Variants in GPR83 observed in about 807,000 individuals in gnomAD.
The protein encoded by GPR83 is G-protein coupled receptor 72.
A neutral mutation model predicts 28.0 loss-of-function variants in GPR83; 23 were observed. The ratio of observed to expected loss-of-function variants is 0.82; its 90% confidence interval spans 0.59 to 1.16. The LOEUF is 1.16. GPR83 is among the 50% of genes most tolerant of loss of function. The pLI is 0.00. For synonymous variants in GPR83, 234 were observed against 215.4 expected, an observed-to-expected ratio of 1.09 and a Z score of -0.76; for missense variants, 610 against 536.6, an observed-to-expected ratio of 1.14 and a Z score of -1.35.
At chr11:94,392,928 A>T (rs970488223) in intron 3 of GPR83, among the ~76,000 whole-genome samples, 1 of 152,202 alleles carries the variant, frequency 6.6e-6, no homozygotes, top group Admixed American at 6.5e-5. Context: ...CACCGAGATA[A>T]CAAAGAAACT....
rs147237473 is a variant in GPR83, at chr11:94,388,142, T to A, written c.647+5343A>T. Among the ~76,000 whole-genome samples the A allele has an allele frequency of 2.5e-3, 374 of 152,232 alleles. 3 individuals carry two copies. Among genetic ancestry groups the A allele is most frequent in the African/African-American group, 8.5e-3 (352 of 41,536 alleles). ...TTCAACAGCCCTTCATGCTAAAAAC[T>A]CAGTAAATTAGGTATTGATGGGACG... On this transcript the variant is annotated intron_variant, in intron 3 of 3. Transcript: ENST00000243673.
intron 3 of GPR83, among the ~76,000 whole-genome samples, chr11:94,382,046 G>A (rs974294808): frequency 3.9e-5 from 6 of 152,044 alleles, no homozygotes; most frequent in Non-Finnish European, 7.4e-5. Flanking sequence ...TGTCTCTAAG[G>A]AAGCTCATCT....
chr11:94,388,343 A>G (rs142851306), intron 3 of GPR83, among the ~76,000 whole-genome samples: 24,166 of 152,140 alleles, frequency 0.16, 2,445 homozygotes, highest in Non-Finnish European at 0.23. Context: ...CAGGAGAAGG[A>G]AATAAAGGGT....
intron 3 of GPR83, among the ~76,000 whole-genome samples, chr11:94,388,662 G>T (rs567725319): frequency 1.3e-5 from 2 of 152,068 alleles, no homozygotes; most frequent in Non-Finnish European, 1.5e-5. Context: ...CACTGCTCAA[G>T]GAAATAAAAG....
In GPR83 at chr11:94,380,015, C is replaced by T. The variant is rs1203236538; in HGVS notation, c.*134G>A. On this transcript the variant is annotated 3_prime_UTR_variant, in exon 4 of 4. Transcript: ENST00000243673. ...ATGGGGCTAGGAGGCTGGACAGTTT[C>T]CTAGGAATTCAAGAGTCCTACAGCT... is the stretch of plus-strand genomic sequence containing the variant. 2.3e-5 allele frequency: 15 copies of T among 647,822 alleles called. No homozygotes were observed. Among genetic ancestry groups the T allele is most frequent in the Non-Finnish European group, 3.6e-5 (15 of 412,158 alleles). The allele number at this position is 647,822 out of a possible 1,614,324, so 40.1% of individuals were successfully genotyped here.
chr11:94,399,086 T>C (rs568286014), intron 1 of GPR83, among the ~76,000 whole-genome samples: 1 of 152,300 alleles, frequency 6.6e-6, no homozygotes, highest in East Asian at 1.9e-4. Context: ...ATCCTGGCTC[T>C]GGGCAGCAGC....
chr11:94,391,312 C>T (rs768653112), intron 3 of GPR83, among the ~76,000 whole-genome samples: 1 of 152,098 alleles, frequency 6.6e-6, no homozygotes, highest in African/African-American at 2.4e-5. Flanking sequence ...ACACCTTATA[C>T]AAAAATCAAC....
At chr11:94,384,546 G>A (rs766235450) in intron 3 of GPR83, among the ~76,000 whole-genome samples, 18 of 152,302 alleles carry the variant, frequency 1.2e-4, no homozygotes, top group African/African-American at 2.2e-4. Context: ...GCAAGGCATC[G>A]CCTCACCTGG....
chr11:94,381,994 C>T (rs1300748181), intron 3 of GPR83, among the ~76,000 whole-genome samples: 2 of 152,132 alleles, frequency 1.3e-5, no homozygotes, highest in African/African-American at 2.4e-5. Context: ...AGCACTGCCT[C>T]AATTAGCCAC....
chr11:94,382,265 C>A (rs1361023274), intron 3 of GPR83, among the ~76,000 whole-genome samples: 4 of 146,960 alleles, frequency 2.7e-5, no homozygotes, highest in Non-Finnish European at 5.9e-5. Context: ...GGCAGGAGAA[C>A]CCAGGAGGCA....
At chr11:94,385,409 G>C (rs1944743294) in intron 3 of GPR83, among the ~76,000 whole-genome samples, 1 of 151,160 alleles carries the variant, frequency 6.6e-6, no homozygotes, top group South Asian at 2.1e-4. Flanking sequence ...CAAGCTAAAG[G>C]AGGAAGTTCG....
At chr11:94,398,669 C>T (rs1464614289) in intron 1 of GPR83, among the ~76,000 whole-genome samples, 2 of 152,174 alleles carry the variant, frequency 1.3e-5, no homozygotes, top group African/African-American at 4.8e-5. Context: ...ATCATCAGAG[C>T]TAGGCTTCAT....
At chr11:94,385,518 T>C (rs1944744909) in intron 3 of GPR83, among the ~76,000 whole-genome samples, 2 of 151,930 alleles carry the variant, frequency 1.3e-5, no homozygotes, top group Admixed American at 1.3e-4. Flanking sequence ...CTGATGGAGC[T>C]GAAAACCATG....
chr11:94,382,120 A>G lies in GPR83; in HGVS notation c.648-1347T>C, dbSNP rs200342647. ...GTAATCCCAGCACTTTGTGAGGCCG[A>G]GATGGGCGGATCACCTGAGGTCAGG... On this transcript the variant is annotated intron_variant, in intron 3 of 3. Transcript: ENST00000243673. 1.6e-4 allele frequency among the ~76,000 whole-genome samples: 24 copies of G among 152,286 alleles called. No individual in the cohort carries two copies. The East Asian group carries it at 3.1e-3, about 20-fold the overall frequency.
At chr11:94,380,803 A>AG in intron 3 of GPR83, 30 bp from the exon 4 acceptor site, 1 of 1,574,942 alleles carries the variant, frequency 6.3e-7, no homozygotes, top group Non-Finnish European at 8.6e-7. Flanking sequence ...AGGGGGAGAG[A>AG]GGTAACAGAA....
intron 1 of GPR83, among the ~76,000 whole-genome samples, chr11:94,398,973 A>G (rs3758785): frequency 0.23 from 34,908 of 152,120 alleles, 4,556 homozygotes; most frequent in Non-Finnish European, 0.28. Flanking sequence ...TGTCTCTTGC[A>G]GGAGATCCTC....
chr11:94,388,324 G>A (rs1471532477), intron 3 of GPR83, among the ~76,000 whole-genome samples: 1 of 152,164 alleles, frequency 6.6e-6, no homozygotes, highest in Non-Finnish European at 1.5e-5. Context: ...TCTGGCCAGG[G>A]CAATCAGGCA....
At chr11:94,400,228 G>C (rs1422268771) in intron 1 of GPR83, among the ~76,000 whole-genome samples, 3 of 152,152 alleles carry the variant, frequency 2.0e-5, no homozygotes, top group Admixed American at 2.0e-4. Context: ...CAGGGGCATT[G>C]ATTTACTGCT....
chr11:94,395,941 C>A (rs1257146072), intron 2 of GPR83, among the ~76,000 whole-genome samples: 1 of 152,192 alleles, frequency 6.6e-6, no homozygotes, highest in East Asian at 1.9e-4. Flanking sequence ...CAGCAATGGC[C>A]GGGCATGGTG....
Sources: gnomAD v4.1 joint callset for allele counts (sites outside exome capture counted in the v4.1 genomes callset) on GRCh38, gnomAD v4.1.1 for gene constraint, MANE v1.5 for transcripts, NCBI Gene and HGNC (gene_info 2026-07-23, HGNC 2026-07-21) for gene names.